The following AGA variants were observed in gnomAD, a reference collection of about 807,000 sequenced individuals.
AGA encodes N(4)-(beta-N-acetylglucosaminyl)-L-asparaginase.
In AGA, 31 loss-of-function variants were observed where a neutral mutation model predicts 40.1. That is an observed-to-expected ratio of 0.77 (90% confidence interval 0.58 to 1.04). AGA has a LOEUF of 1.04. AGA is among the 50% of genes least tolerant of loss of function. The pLI is 0.00. For synonymous variants in AGA, 148 were observed against 144.0 expected, an observed-to-expected ratio of 1.03 and a Z score of -0.20; for missense variants, 445 against 435.4, an observed-to-expected ratio of 1.02 and a Z score of -0.20.
At chr4:177,441,247 G>A (rs1360443732) in intron 1 of AGA, among the ~76,000 whole-genome samples, 2 of 152,104 alleles carry the variant, frequency 1.3e-5, no homozygotes, top group Admixed American at 1.3e-4. Context: ...CCCCGCCCAG[G>A]CTGATGCAAT....
At chr4:177,434,317 C>A in intron 7 of AGA, 65 bp downstream of exon 7, 1 of 1,482,522 alleles carries the variant, frequency 6.7e-7, no homozygotes, top group Non-Finnish European at 9.4e-7. Flanking sequence ...AAATTATTTT[C>A]TATCTTAAAA....
chr4:177,440,487 C>A, intron 1 of AGA, 61 bp from the exon 2 acceptor site: 1 of 1,541,314 alleles, frequency 6.5e-7, no homozygotes, highest in Non-Finnish European at 8.8e-7. Context: ...ATGCCAAATG[C>A]AACAAACCAA....
chr4:177,439,789 T>C, intron 2 of AGA, 101 bp from the exon 3 acceptor site: 1 of 875,102 alleles, frequency 1.1e-6, no homozygotes, highest in Non-Finnish European at 1.9e-6. Flanking sequence ...GCGGTTAAAC[T>C]CCACCATCTT....
In AGA at chr4:177,439,575, C is replaced by T; in HGVS notation, c.394+1G>A. The stretch of plus-strand genomic sequence containing the variant: ...AAATTTCAGTGTAGTTAAAAAAATA[C>T]CTGACTCTCCTACTAAAAGTGTGTG... On this transcript the variant is annotated splice_donor_variant, in intron 3 of 8. Coordinates refer to ENST00000264595, the MANE Select transcript of AGA (RefSeq NM_000027.4). LOFTEE classifies it high-confidence loss of function. The T allele has an allele frequency of 6.2e-7, 1 of 1,607,452 alleles. No homozygotes were observed. Among genetic ancestry groups the T allele is most frequent in the Non-Finnish European group, 8.5e-7 (1 of 1,174,030 alleles).
chr4:177,440,626 A>C (rs1220214843), intron 1 of AGA, among the ~76,000 whole-genome samples, 200 bp from the exon 2 acceptor site: 1 of 151,748 alleles, frequency 6.6e-6, no homozygotes, highest in Non-Finnish European at 1.5e-5. Flanking sequence ...GAACTCAAAA[A>C]ACTGGCTATT....
At chr4:177,438,676 C>G in intron 4 of AGA, 69 bp downstream of exon 4, 3 of 1,073,414 alleles carry the variant, frequency 2.8e-6, no homozygotes, top group Non-Finnish European at 4.3e-6. Flanking sequence ...AGGCAGGCAA[C>G]ACTGAGCAGA....
At position 177,439,676 on chromosome 4, in the gene AGA, A is replaced by C. The variant is rs1442787869; in HGVS notation, c.294T>G (p.Asp98Glu). The C allele has an allele frequency of 6.2e-7, 1 of 1,608,588 alleles. No individual in the cohort carries two copies. Among genetic ancestry groups the C allele is most frequent in the African/African-American group, 1.3e-5 (1 of 74,748 alleles). The change falls in exon 3 of 9, where the codon GAT (aspartate) becomes GAG (glutamate). Residue 98 changes from aspartate (D) to glutamate (E), a missense_variant. Coordinates refer to ENST00000264595, the MANE Select transcript of AGA (RefSeq NM_000027.4). ...GTCTGAGATCTCCTACTGCTCCTAC[A>C]TCCATAGTAGTGCTGCAAGAAAATA... ...DAMIMDGTTM[D>E]VGAVGDLRRI...
At chr4:177,440,786 C>T (rs1024200120) in intron 1 of AGA, among the ~76,000 whole-genome samples, 3 of 152,082 alleles carry the variant, frequency 2.0e-5, no homozygotes, top group African/African-American at 7.2e-5. Flanking sequence ...TAAACCGCAG[C>T]CTTCTTCACA....
rs1347605245 is a variant in AGA, at chr4:177,431,285, A to G, written c.*423T>C. ...CATCACTGTGACATAATGAAATTCA[A>G]TCAGGACTGATCATGCTGAGACTCT... is the stretch of plus-strand genomic sequence containing the variant. On this transcript the variant is annotated 3_prime_UTR_variant, in exon 9 of 9. Transcript: ENST00000264595. The G allele has an allele frequency of 2.3e-6, 1 of 443,462 alleles. No individual in the cohort carries two copies. Among genetic ancestry groups the G allele is most frequent in the Non-Finnish European group, 4.5e-6 (1 of 224,028 alleles). 27.5% of individuals were successfully genotyped at this position (443,462 alleles called of 1,614,324 possible).
In AGA at chr4:177,442,430, G is replaced by A. The variant is rs1165678034; in HGVS notation, c.-55C>T. On this transcript the variant is annotated 5_prime_UTR_variant, in exon 1 of 9. Coordinates refer to ENST00000264595, the MANE Select transcript of AGA (RefSeq NM_000027.4). The stretch of plus-strand genomic sequence containing the variant: ...AAAGTCCCGGCAGCCAGCGATCGCC[G>A]AACAATTAATCCCCAGTGCCCCGCC... 8 of 1,612,096 alleles carry A rather than the reference G, an allele frequency of 5.0e-6. No individual in the cohort carries two copies. Among genetic ancestry groups the A allele is most frequent in the Non-Finnish European group, 5.9e-6 (7 of 1,179,216 alleles).
intron 4 of AGA, among the ~76,000 whole-genome samples, chr4:177,437,820 A>C (rs946404870): frequency 6.6e-6 from 1 of 152,166 alleles, no homozygotes; most frequent in Admixed American, 6.5e-5. Flanking sequence ...CAATAGTAAA[A>C]TTTTTTAAAA....
At chr4:177,434,624 C>T in intron 6 of AGA, 135 bp from the exon 7 acceptor site, 1 of 714,414 alleles carries the variant, frequency 1.4e-6, no homozygotes, top group Non-Finnish European at 2.4e-6. Flanking sequence ...GGAACAAAGA[C>T]AGAACAGGTC....
chr4:177,431,680 A>T lies in AGA; in HGVS notation c.*28T>A. The T allele has an allele frequency of 6.4e-7, 1 of 1,559,946 alleles. No individual in the cohort carries two copies. Among genetic ancestry groups the T allele is most frequent in the Non-Finnish European group, 8.8e-7 (1 of 1,131,374 alleles). Reference sequence around the variant, plus strand: ...TTCAGCCTTTGTTTCTTTCTTCTTTAAATACAGATGTTGACAGTAAAGATG... The same window carrying T: ...TTCAGCCTTTGTTTCTTTCTTCTTTTAATACAGATGTTGACAGTAAAGATG... On this transcript the variant is annotated 3_prime_UTR_variant, in exon 9 of 9. Transcript: ENST00000264595.
chr4:177,434,576 A>G lies in AGA; in HGVS notation c.699-87T>C, dbSNP rs1054104443. 3 of 1,084,742 alleles carry G rather than the reference A, an allele frequency of 2.8e-6. No individual in the cohort carries two copies. The African/African-American group carries it at 4.6e-5, about 17-fold the overall frequency. The allele number at this position is 1,084,742 out of a possible 1,614,324, so 67.2% of individuals were successfully genotyped here. A position where few individuals can be genotyped will look rare whatever the true frequency, so the allele number is the denominator to read the frequency against. On this transcript the variant is annotated intron_variant, in intron 6 of 8. Coordinates refer to ENST00000264595, the MANE Select transcript of AGA (RefSeq NM_000027.4). ...GCTGTTCCAAATAAGGGATAGTTCC[A>G]CTTAGCCTCTGATACCGTTTTAAGT...
chr4:177,440,028 G>C, intron 2 of AGA: 1 of 596,352 alleles, frequency 1.7e-6, no homozygotes, highest in East Asian at 2.9e-5. Context: ...TAAGGTCAGA[G>C]ACATAGTTTT....
At chr4:177,442,072 T>C (rs892369819) in intron 1 of AGA, among the ~76,000 whole-genome samples, 177 bp downstream of exon 1, 2 of 152,082 alleles carry the variant, frequency 1.3e-5, no homozygotes, top group Non-Finnish European at 1.5e-5. Flanking sequence ...AAAGGCCACT[T>C]GCAAGAGACT....
rs13149149 is a variant in AGA, at chr4:177,439,396, C to T, written c.394+180G>A. The stretch of plus-strand genomic sequence containing the variant: ...AACTCCGTCTCAAAACTTCCATTGC[C>T]TTCTTCTTAGAGATGAAGAAGTAAA... On this transcript the variant is annotated intron_variant, in intron 3 of 8. Transcript: ENST00000264595. 0.26 allele frequency among the ~76,000 whole-genome samples: 39,500 copies of T among 151,998 alleles called. 6,061 individuals carry two copies. The highest frequency in any genetic ancestry group is 0.34 in the Non-Finnish European group (23,165 of 67,954).
At chr4:177,439,195 A>G (rs2111018931) in intron 3 of AGA, among the ~76,000 whole-genome samples, 2 of 152,264 alleles carry the variant, frequency 1.3e-5, no homozygotes, top group South Asian at 4.1e-4. Context: ...ATCCTGGCCA[A>G]CATGGTGAAA....
rs1255818175 is a variant in AGA at position 177,442,230 on chromosome 4, C to G, written c.127+19G>C. 1.2e-6 allele frequency: 2 copies of G among 1,613,024 alleles called. No individual in the cohort carries two copies. The highest frequency in any genetic ancestry group is 1.7e-6 in the Non-Finnish European group (2 of 1,179,624). On this transcript the variant is annotated intron_variant, in intron 1 of 8. Transcript: ENST00000264595. ...AAGCTCTCGCGGCGCAGCCGCCCGC[C>G]CAGGCCGCCAACCCGCACCTGCTTC... is the stretch of plus-strand genomic sequence containing the variant.
Sources: gnomAD v4.1 joint callset for allele counts (sites outside exome capture counted in the v4.1 genomes callset) on GRCh38, gnomAD v4.1.1 for gene constraint, MANE v1.5 for transcripts, NCBI Gene and HGNC (gene_info 2026-07-23, HGNC 2026-07-21) for gene names.